The following TOGARAM1 variants were observed in gnomAD, a reference collection of about 807,000 sequenced individuals.
TOGARAM1 encodes TOG array regulator of axonemal microtubules 1.
A neutral mutation model predicts 166.6 loss-of-function variants in TOGARAM1; 100 were observed. The observed-to-expected ratio is 0.60, with a 90% CI of 0.51 to 0.71. The LOEUF (loss-of-function observed/expected upper bound fraction) is 0.71. Among genes scored for constraint, TOGARAM1 ranks in the 30% least tolerant of loss-of-function variants. The probability of loss-of-function intolerance (pLI) is 0.00; values close to 1 mark genes in which losing one functional copy is unlikely to be tolerated. For missense variants in TOGARAM1, 2,029 were observed against 2,102.7 expected (o/e 0.96, Z 0.69); for synonymous variants, 758 against 763.8 (o/e 0.99, Z 0.13).
intron 16 of TOGARAM1, among the ~76,000 whole-genome samples, chr14:45,058,922 T>G: frequency 6.6e-6 from 1 of 152,172 alleles, no homozygotes; most frequent in East Asian, 1.9e-4. Context: ...ATGAGTTTTA[T>G]ACTTTCTTAT....
Position 45,025,774 on chromosome 14 carries a change from G to T in TOGARAM1, c.3239-9G>T, listed in dbSNP as rs551940075. 65 of 1,554,332 alleles carry T rather than the reference G, an allele frequency of 4.2e-5. No homozygotes were observed. Among genetic ancestry groups the T allele is most frequent in the Non-Finnish European group, 5.6e-5 (63 of 1,129,706 alleles). Reference sequence around the variant, plus strand: ...TAAGTATTTGTTTTGTTTTTTGGGGGATTTACAGGGTCATCATCAAATCCA... The same window carrying T: ...TAAGTATTTGTTTTGTTTTTTGGGGTATTTACAGGGTCATCATCAAATCCA... On this transcript the variant is annotated splice_polypyrimidine_tract_variant and intron_variant, in intron 7 of 19. Coordinates refer to ENST00000361462, the MANE Select transcript of TOGARAM1 (RefSeq NM_001308120.2).
At position 45,043,667 on chromosome 14, in the gene TOGARAM1, T is replaced by C. The variant is rs371477265; in HGVS notation, c.3813-19T>C. ...GAGTCCCATTTAACGAATGATCTTG[T>C]CATTTCTTTTTCTCATAGGGAGAAG... On this transcript the variant is annotated intron_variant, in intron 11 of 19. Coordinates refer to ENST00000361462, the MANE Select transcript of TOGARAM1 (RefSeq NM_001308120.2). 2.6e-5 allele frequency: 35 copies of C among 1,345,536 alleles called. No homozygotes were observed. The highest frequency in any genetic ancestry group is 3.5e-5 in the Non-Finnish European group (33 of 935,230). The allele number at this position is 1,345,536 out of a possible 1,614,324, so 83.3% of individuals were successfully genotyped here. A position where few individuals can be genotyped will look rare whatever the true frequency, so the allele number is the denominator to read the frequency against.
chr14:45,017,412 C>G (rs1476536272), intron 7 of TOGARAM1, among the ~76,000 whole-genome samples: 2 of 141,244 alleles, frequency 1.4e-5, no homozygotes, highest in African/African-American at 6.3e-5. Flanking sequence ...ACAAAACACA[C>G]ACACACACAC....
At chr14:44,982,399 A>G (rs1886584741) in intron 1 of TOGARAM1, among the ~76,000 whole-genome samples, 2 of 152,204 alleles carry the variant, frequency 1.3e-5, no homozygotes, top group African/African-American at 4.8e-5. Flanking sequence ...GGTTAGTGGC[A>G]TCAAGTAAAT....
intron 1 of TOGARAM1, chr14:44,995,476 C>A (rs1312888057): frequency 2.0e-6 from 1 of 488,488 alleles, no homozygotes; most frequent in Non-Finnish European, 4.0e-6. Context: ...TTCTCTCCTT[C>A]CTTGTTGCCA....
chr14:45,062,973 A>G (rs1882964013), intron 16 of TOGARAM1, among the ~76,000 whole-genome samples: 1 of 152,056 alleles, frequency 6.6e-6, no homozygotes, highest in African/African-American at 2.4e-5. Flanking sequence ...TTTCTCAACA[A>G]TCTTCCCTTC....
chr14:45,071,862 C>T lies in TOGARAM1; in HGVS notation c.5056+64C>T, dbSNP rs951685025. ...CTAAGGATAAACTGATAAACTGTTT[C>T]AATTTAATTTTAGGATAGCTACCAA... On this transcript the variant is annotated intron_variant, in intron 19 of 19. Transcript: ENST00000361462. 20 of 1,268,620 alleles carry T rather than the reference C, an allele frequency of 1.6e-5. No homozygotes were observed. The Middle Eastern group carries it at 7.6e-4, about 48-fold the overall frequency. The allele number at this position is 1,268,620 out of a possible 1,614,324, so 78.6% of individuals were successfully genotyped here.
intron 16 of TOGARAM1, among the ~76,000 whole-genome samples, chr14:45,061,329 G>T (rs562581280): frequency 6.6e-6 from 1 of 152,264 alleles, no homozygotes; most frequent in South Asian, 2.1e-4. Context: ...TGATTCTCCA[G>T]CATCTTCTTG....
At chr14:45,002,994 G>A (rs1334709637) in intron 3 of TOGARAM1, among the ~76,000 whole-genome samples, 1 of 151,852 alleles carries the variant, frequency 6.6e-6, no homozygotes, top group Non-Finnish European at 1.5e-5. Flanking sequence ...AAAATAGAAA[G>A]GAAATATTTT....
At chr14:45,019,612 T>G (rs1490051972) in intron 7 of TOGARAM1, among the ~76,000 whole-genome samples, 1 of 152,194 alleles carries the variant, frequency 6.6e-6, no homozygotes, top group Non-Finnish European at 1.5e-5. Context: ...CCTGCTGTGC[T>G]CTCAGGCGAT....
intron 11 of TOGARAM1, among the ~76,000 whole-genome samples, chr14:45,033,119 G>A (rs1168288949): frequency 6.6e-6 from 1 of 152,034 alleles, no homozygotes; most frequent in Non-Finnish European, 1.5e-5. Context: ...CAGGCATGGT[G>A]GCAGGCACCT....
intron 1 of TOGARAM1, among the ~76,000 whole-genome samples, chr14:44,992,072 T>TA (rs71108676): frequency 0.025 from 944 of 38,002 alleles, 123 homozygotes; most frequent in African/African-American, 0.072. Flanking sequence ...CCCTGTCTGT[T>TA]AAAAAAAAAA....
chr14:44,978,161 A>C (rs1016290962), intron 1 of TOGARAM1: 10 of 152,214 alleles, frequency 6.6e-5, no homozygotes, highest in African/African-American at 2.4e-4. Flanking sequence ...GAGGGCACTG[A>C]TAAAAGTAGT....
rs891197635 is a variant in TOGARAM1, at chr14:45,041,692, T to C, written c.3813-1994T>C. On this transcript the variant is annotated intron_variant, in intron 11 of 19. Coordinates refer to ENST00000361462, the MANE Select transcript of TOGARAM1 (RefSeq NM_001308120.2). ...AATCTGAAATATACTTCTCGCTCAG[T>C]GTTCACTGTCTTAGTTAATAGCCCT... Among the ~76,000 whole-genome samples, 3 of 152,232 alleles carry C rather than the reference T, an allele frequency of 2.0e-5. No homozygotes were observed. In the South Asian group the frequency reaches 6.2e-4, roughly 31 times the overall value.
chr14:44,999,496 AG>A lies in TOGARAM1; in HGVS notation c.2338+1del, dbSNP rs970839121. On this transcript the variant is annotated frameshift_variant and splice_region_variant, in exon 3 of 20. Coordinates refer to ENST00000361462, the MANE Select transcript of TOGARAM1 (RefSeq NM_001308120.2). LOFTEE classifies it high-confidence loss of function. ...GGACAACTAGCAGTCATCAAGAAAA[AG>A]GTATAAGTTCCAAATTTACTTGGAA... Reference protein sequence around the residue: ...LGTTSSHQEKVYASLNFGSKT... With the variant: ...LGTTSSHQEKXYASLNFGSKT... 6.3e-6 allele frequency: 10 copies of A among 1,596,648 alleles called. No individual in the cohort carries two copies. In the African/African-American group the frequency reaches 1.3e-4, roughly 21 times the overall value.
At chr14:44,990,322 C>G (rs986629122) in intron 1 of TOGARAM1, among the ~76,000 whole-genome samples, 1 of 152,194 alleles carries the variant, frequency 6.6e-6, no homozygotes. Flanking sequence ...CAGAATCAGC[C>G]TTTGCCAAGA....
intron 1 of TOGARAM1, 36 bp downstream of exon 1, chr14:44,964,503 A>T (rs759724527): frequency 1.5e-5 from 22 of 1,512,060 alleles, no homozygotes; most frequent in Non-Finnish European, 1.9e-5. Context: ...CGAAAGTGTG[A>T]AGAATTTAAA....
At chr14:44,984,545 G>GTGAGGC (rs1250111119) in intron 1 of TOGARAM1, among the ~76,000 whole-genome samples, 1 of 151,764 alleles carries the variant, frequency 6.6e-6, no homozygotes, top group African/African-American at 2.4e-5. Context: ...CCAGCAATTT[G>GTGAGGC]TGAGGCTGAG....
At chr14:45,008,799 C>T in intron 5 of TOGARAM1, 114 bp from the exon 6 acceptor site, 1 of 677,962 alleles carries the variant, frequency 1.5e-6, no homozygotes, top group Non-Finnish European at 2.4e-6. Flanking sequence ...TGTTTTAGTA[C>T]AGGATTGGGA....
Sources: gnomAD v4.1 joint callset for allele counts (sites outside exome capture counted in the v4.1 genomes callset) on GRCh38, gnomAD v4.1.1 for gene constraint, MANE v1.5 for transcripts, NCBI Gene and HGNC (gene_info 2026-07-23, HGNC 2026-07-21) for gene names.